Variants in PCDHGA1 observed in about 807,000 individuals in gnomAD.
The protein encoded by PCDHGA1 is protocadherin gamma subfamily A, 1.
In PCDHGA1, 32 loss-of-function variants were observed where a neutral mutation model predicts 58.0. That is an observed-to-expected ratio of 0.55 (90% confidence interval 0.42 to 0.74). PCDHGA1 has a LOEUF of 0.74. Ranked by LOEUF, PCDHGA1 falls within the 30% of genes least tolerant of loss-of-function variation. The probability of loss-of-function intolerance (pLI) is 0.00; values close to 1 mark genes in which losing one functional copy is unlikely to be tolerated. For synonymous variants in PCDHGA1, 498 were observed against 501.1 expected (o/e 0.99, Z 0.08); for missense variants, 1,205 against 1,182.3 (o/e 1.02, Z -0.28).
At chr5:141,374,051 C>T in intron 1 of PCDHGA1, 1 of 1,476,382 alleles carries the variant, frequency 6.8e-7, no homozygotes, top group Non-Finnish European at 9.0e-7. Context: ...TCTTCCTCTT[C>T]TTAATCCCAG....
At chr5:141,357,171 C>G (rs1043830490) in intron 1 of PCDHGA1, 1 of 1,613,704 alleles carries the variant, frequency 6.2e-7, no homozygotes, top group East Asian at 2.2e-5. Flanking sequence ...TCTCGGCCAC[C>G]GTCACACTCA....
Position 141,387,188 on chromosome 5 carries a change from A to AT in PCDHGA1, c.2421+54087dup, listed in dbSNP as rs756053244. On this transcript the variant is annotated intron_variant, in intron 1 of 3. Transcript: ENST00000517417. ...TATAAATTGCACCTTCTAAAAGGCA[A>AT]TTTTGGTATTACTGATACTCTCCGG... is the stretch of plus-strand genomic sequence containing the variant. Among the ~76,000 whole-genome samples the AT allele has an allele frequency of 1.8e-3, 273 of 152,232 alleles. 6 individuals carry two copies. Among genetic ancestry groups the AT allele is most frequent in the Non-Finnish European group, 6.8e-4 (46 of 68,046 alleles).
rs1048081343 is a variant in PCDHGA1 at position 141,432,618 on chromosome 5, G to C, written c.2422-62189G>C. 6.2e-7 allele frequency: 1 copy of C among 1,612,806 alleles called. No individual in the cohort carries two copies. Among genetic ancestry groups the C allele is most frequent in the South Asian group, 1.1e-5 (1 of 90,950 alleles). ...AGCGAGCCGGGACTCTTCTCGGTGG[G>C]TCTGCACACGGGCGAGGTGCGCACG... On this transcript the variant is annotated intron_variant, in intron 1 of 3. Transcript: ENST00000517417. The surrounding 1 kb of genome is among the most constrained non-coding windows in gnomAD (Gnocchi z 6.0).
intron 1 of PCDHGA1, among the ~76,000 whole-genome samples, chr5:141,492,206 G>T (rs1180294159): frequency 6.6e-6 from 1 of 152,204 alleles, no homozygotes; most frequent in African/African-American, 2.4e-5. Context: ...TTAGGTGTGC[G>T]CGCGGGGCTC....
intron 1 of PCDHGA1, chr5:141,352,649 G>T: frequency 6.2e-7 from 1 of 1,604,100 alleles, no homozygotes; most frequent in South Asian, 1.1e-5. Flanking sequence ...AATCGCTTAT[G>T]ACCCTTCTTT....
chr5:141,477,819 T>C lies in PCDHGA1; in HGVS notation c.2422-16988T>C. 1.9e-6 allele frequency: 3 copies of C among 1,614,138 alleles called. No individual in the cohort carries two copies. The highest frequency in any genetic ancestry group is 2.5e-6 in the Non-Finnish European group (3 of 1,180,030). On this transcript the variant is annotated intron_variant, in intron 1 of 3. Transcript: ENST00000517417. The surrounding 1 kb of genome is among the most constrained non-coding windows in gnomAD (Gnocchi z 4.9). ...CGCAATGACAATGCCCCCCAGGTCC[T>C]ATATCCTCGGCCAGGTGGGAGCTCG...
intron 2 of PCDHGA1, among the ~76,000 whole-genome samples, chr5:141,501,061 G>T (rs746369272): frequency 1.5e-4 from 23 of 152,118 alleles, no homozygotes; most frequent in Non-Finnish European, 2.1e-4. Flanking sequence ...TAGAGACGGG[G>T]TTTCACCATG....
intron 1 of PCDHGA1, chr5:141,392,382 T>A (rs1463242705): frequency 6.5e-6 from 1 of 154,612 alleles, no homozygotes; most frequent in Non-Finnish European, 1.4e-5. Context: ...TCTGATCTAA[T>A]CTGATCATTT....
intron 1 of PCDHGA1, among the ~76,000 whole-genome samples, chr5:141,464,049 G>C (rs1330340459): frequency 6.6e-6 from 1 of 152,124 alleles, no homozygotes; most frequent in Admixed American, 6.5e-5. Context: ...TGGATCACCT[G>C]AGGTCAGGAG....
chr5:141,400,221 C>T (rs377228541), intron 1 of PCDHGA1: 36 of 1,614,060 alleles, frequency 2.2e-5, no homozygotes, highest in Admixed American at 6.7e-5. Flanking sequence ...TCTCAGTGCT[C>T]TTCCTCCTGG....
At chr5:141,401,570 C>T (rs192915698) in intron 1 of PCDHGA1, among the ~76,000 whole-genome samples, 2 of 152,290 alleles carry the variant, frequency 1.3e-5, no homozygotes, top group Admixed American at 1.3e-4. Context: ...ATTTCTCTTG[C>T]TCGGAATCCT....
In PCDHGA1 at chr5:141,401,291, G is replaced by A. The variant is rs565015907; in HGVS notation, c.2421+68186G>A. On this transcript the variant is annotated intron_variant, in intron 1 of 3. Transcript: ENST00000517417. ...TGGCAGGTGGAGGTTGCGGTGAGCC[G>A]AGATCACTCCATTGCATTCCAGCCT... is the stretch of plus-strand genomic sequence containing the variant. Among the ~76,000 whole-genome samples the A allele has an allele frequency of 8.5e-5, 13 of 152,194 alleles. No individual in the cohort carries two copies. The South Asian group carries it at 2.5e-3, about 29-fold the overall frequency.
intron 1 of PCDHGA1, chr5:141,371,345 T>C (rs1417902000): frequency 1.2e-6 from 2 of 1,613,878 alleles, no homozygotes; most frequent in Admixed American, 1.7e-5. Flanking sequence ...GCTACACAAT[T>C]GGGGTGGAAG....
chr5:141,339,412 G>T (rs200844226), intron 1 of PCDHGA1: 5 of 1,614,068 alleles, frequency 3.1e-6, no homozygotes, highest in East Asian at 4.5e-5. Context: ...AAACCACTAC[G>T]CCAGGATTCC....
At chr5:141,351,725 G>T in intron 1 of PCDHGA1, 1 of 1,613,804 alleles carries the variant, frequency 6.2e-7, no homozygotes, top group Non-Finnish European at 8.5e-7. Context: ...CTCTATTCTG[G>T]CCAGTGACCT....
At chr5:141,385,170 C>T (rs1561606866) in intron 1 of PCDHGA1, 2 of 1,614,212 alleles carry the variant, frequency 1.2e-6, no homozygotes, top group Non-Finnish European at 1.7e-6. Flanking sequence ...CCCATGAGGT[C>T]TCCCTCACCG....
At chr5:141,423,357 C>A in intron 1 of PCDHGA1, 1 of 1,614,214 alleles carries the variant, frequency 6.2e-7, no homozygotes, top group Non-Finnish European at 8.5e-7. Flanking sequence ...TCTTTGTCAT[C>A]GTGCTGCTGG....
Position 141,487,591 on chromosome 5 carries a change from C to G in PCDHGA1, c.2422-7216C>G, listed in dbSNP as rs2099653282. The G allele has an allele frequency of 1.2e-6, 2 of 1,614,176 alleles. No individual in the cohort carries two copies. The highest frequency in any genetic ancestry group is 1.7e-6 in the Non-Finnish European group (2 of 1,180,036). ...AGCCTGTTCGCCCAAGCTGCCCACC[C>G]TCTGATCTTCTCTATGGGCTAGAGG... is the stretch of plus-strand genomic sequence containing the variant. On this transcript the variant is annotated intron_variant, in intron 1 of 3. Coordinates refer to ENST00000517417, the MANE Select transcript of PCDHGA1 (RefSeq NM_018912.3). The surrounding 1 kb of genome is among the most constrained non-coding windows in gnomAD (Gnocchi z 5.0).
intron 1 of PCDHGA1, chr5:141,422,399 T>A: frequency 1.3e-6 from 2 of 1,598,374 alleles, no homozygotes; most frequent in Non-Finnish European, 1.7e-6. Context: ...CCTAACCACC[T>A]GCCTTTTAAA....
Sources: allele counts gnomAD v4.1 joint callset (sites outside exome capture counted in the v4.1 genomes callset), GRCh38; gene constraint gnomAD v4.1.1; non-coding constraint Gnocchi (gnomAD v3.1); transcripts MANE v1.5; gene names NCBI Gene and HGNC (gene_info 2026-07-23, HGNC 2026-07-21).